PARD3B: variants seen among roughly 807,000 people sequenced by gnomAD.
PARD3B encodes par-3 family cell polarity regulator beta, also known as partitioning defective 3 homolog B.
In PARD3B, 103 loss-of-function variants were observed where a neutral mutation model predicts 130.2. The observed-to-expected ratio is 0.79, with a 90% CI of 0.67 to 0.93. PARD3B has a LOEUF of 0.93. Ranked by LOEUF, PARD3B falls within the 40% of genes least tolerant of loss-of-function variation. The probability of loss-of-function intolerance (pLI) is 0.00; values close to 1 mark genes in which losing one functional copy is unlikely to be tolerated. For missense variants in PARD3B, 1,609 were observed against 1,499.2 expected, an observed-to-expected ratio of 1.07 and a Z score of -1.21; for synonymous variants, 583 against 553.2, an observed-to-expected ratio of 1.05 and a Z score of -0.76.
chr2:204,702,701 A>G (rs932513678), intron 2 of PARD3B, among the ~76,000 whole-genome samples: 21 of 151,992 alleles, frequency 1.4e-4, no homozygotes, highest in African/African-American at 4.3e-4. Flanking sequence ...CAGCCTCACA[A>G]GTAGCTGGGA....
At chr2:205,364,672 G>A (rs967343403) in intron 18 of PARD3B, among the ~76,000 whole-genome samples, 1 of 152,178 alleles carries the variant, frequency 6.6e-6, no homozygotes, top group Non-Finnish European at 1.5e-5. Flanking sequence ...TAAATGAAGT[G>A]TGTGGATGCC....
intron 15 of PARD3B, among the ~76,000 whole-genome samples, chr2:205,232,323 C>T (rs998075417): frequency 1.3e-5 from 2 of 152,092 alleles, no homozygotes; most frequent in Admixed American, 1.3e-4. Flanking sequence ...CATAGTGGCA[C>T]ACACTGTAGT....
intron 15 of PARD3B, among the ~76,000 whole-genome samples, chr2:205,194,635 T>C (rs1559530010): frequency 6.6e-6 from 1 of 152,208 alleles, no homozygotes; most frequent in Non-Finnish European, 1.5e-5. Flanking sequence ...TTTTCCTCAT[T>C]TAATTAAAGC....
chr2:205,511,645 G>A (rs1380058397), intron 21 of PARD3B, among the ~76,000 whole-genome samples: 4 of 152,194 alleles, frequency 2.6e-5, no homozygotes, highest in African/African-American at 9.7e-5. Flanking sequence ...TTTAAAATCA[G>A]TTGGGTACAT....
At chr2:205,428,000 T>C (rs2047201650) in intron 19 of PARD3B, among the ~76,000 whole-genome samples, 1 of 152,156 alleles carries the variant, frequency 6.6e-6, no homozygotes, top group Admixed American at 6.5e-5. Context: ...CAAATTCATA[T>C]GTTGAAACCT....
intron 4 of PARD3B, among the ~76,000 whole-genome samples, chr2:205,060,325 C>T (rs1385754015): frequency 6.6e-6 from 1 of 152,086 alleles, no homozygotes; most frequent in Non-Finnish European, 1.5e-5. Flanking sequence ...AGACTGTTTA[C>T]ACAATTTAGA....
At chr2:205,214,675 T>C (rs544758173) in intron 15 of PARD3B, among the ~76,000 whole-genome samples, 1 of 152,194 alleles carries the variant, frequency 6.6e-6, no homozygotes, top group East Asian at 1.9e-4. Context: ...GCAAGTACAA[T>C]CTATTTACTG....
chr2:205,243,858 C>A (rs2039459577), intron 15 of PARD3B, among the ~76,000 whole-genome samples: 1 of 152,204 alleles, frequency 6.6e-6, no homozygotes, highest in South Asian at 2.1e-4. Context: ...TGAATAGATA[C>A]AAAGTGCATA....
intron 16 of PARD3B, among the ~76,000 whole-genome samples, chr2:205,254,824 C>T (rs2040006508): frequency 6.6e-6 from 1 of 151,318 alleles, no homozygotes; most frequent in Admixed American, 6.6e-5. Context: ...GCCACCTCGC[C>T]CGGCTAATTT....
At chr2:205,134,901 G>A (rs1314746379) in intron 10 of PARD3B, among the ~76,000 whole-genome samples, 1 of 151,248 alleles carries the variant, frequency 6.6e-6, no homozygotes, top group African/African-American at 2.4e-5. Context: ...GGGTTTTGTT[G>A]GAGATTGGAA....
chr2:205,462,574 A>G (rs980860733), intron 20 of PARD3B, among the ~76,000 whole-genome samples: 4 of 152,208 alleles, frequency 2.6e-5, no homozygotes, highest in Non-Finnish European at 1.5e-5. Flanking sequence ...TCCCATTTTC[A>G]TGCCCACAAT....
In PARD3B at chr2:205,206,360, TC is replaced by T. The variant is rs1574387128; in HGVS notation, c.2140+13046del. ...TAGGTATATCTCCCGATGCTATCCC[TC>T]CCCCCTCCCCCAACCCCACAACAGT... On this transcript the variant is annotated intron_variant, in intron 15 of 22. Coordinates refer to ENST00000406610, the MANE Select transcript of PARD3B (RefSeq NM_001302769.2). 2.6e-5 allele frequency among the ~76,000 whole-genome samples: 3 copies of T among 117,618 alleles called. No homozygotes were observed. In the East Asian group the frequency reaches 9.0e-4, roughly 35 times the overall value. 77.2% of individuals were successfully genotyped at this position (117,618 alleles called of 152,430 possible). A position where few individuals can be genotyped will look rare whatever the true frequency, so the allele number is the denominator to read the frequency against.
At chr2:205,152,186 T>G (rs1158644041) in intron 10 of PARD3B, among the ~76,000 whole-genome samples, 1 of 152,204 alleles carries the variant, frequency 6.6e-6, no homozygotes, top group Non-Finnish European at 1.5e-5. Context: ...CTGGCTGCCC[T>G]TAACATTTTT....
At chr2:205,113,623 T>TGATTTGA (rs5837953) in intron 6 of PARD3B, 46 bp downstream of exon 6, 422,041 of 1,368,902 alleles carry the variant, frequency 0.31, 72,296 homozygotes, top group Admixed American at 0.49. Flanking sequence ...ATGAAAACCC[T>TGATTTGA]GATTTGAGCT....
At chr2:205,252,006 G>C (rs2039871024) in intron 16 of PARD3B, among the ~76,000 whole-genome samples, 1 of 152,118 alleles carries the variant, frequency 6.6e-6, no homozygotes, top group Non-Finnish European at 1.5e-5. Context: ...AATATGTCTA[G>C]CGTTCTTCCT....
At chr2:204,859,332 T>C (rs1471301504) in intron 2 of PARD3B, among the ~76,000 whole-genome samples, 2 of 152,060 alleles carry the variant, frequency 1.3e-5, no homozygotes, top group African/African-American at 4.8e-5. Context: ...AGTATAAAAG[T>C]AGATTATGTT....
At position 204,791,734 on chromosome 2, in the gene PARD3B, C is replaced by T. The variant is rs1178774043; in HGVS notation, c.222+105452C>T. On this transcript the variant is annotated intron_variant, in intron 2 of 22. Coordinates refer to ENST00000406610, the MANE Select transcript of PARD3B (RefSeq NM_001302769.2). ...TTAAAATAAGGATTGTGCCCATAAT[C>T]AGATTTTGCAAGGGCCAGAGCCATT... 3.5e-4 allele frequency among the ~76,000 whole-genome samples: 54 copies of T among 152,138 alleles called. 1 individual carries two copies. Among genetic ancestry groups the T allele is most frequent in the Admixed American group, 3.4e-3 (52 of 15,282 alleles).
At chr2:205,140,475 G>A (rs2032858425) in intron 10 of PARD3B, among the ~76,000 whole-genome samples, 1 of 142,834 alleles carries the variant, frequency 7.0e-6, no homozygotes, top group Non-Finnish European at 1.5e-5. Flanking sequence ...AAAAAAAAAG[G>A]AAGACCGTTC....
intron 4 of PARD3B, among the ~76,000 whole-genome samples, chr2:205,059,867 T>C (rs1699962780): frequency 6.6e-6 from 1 of 152,054 alleles, no homozygotes; most frequent in South Asian, 2.1e-4. Flanking sequence ...GAGGGCTACT[T>C]TTCTCTTTCA....
Sources: gnomAD v4.1 joint callset for allele counts (sites outside exome capture counted in the v4.1 genomes callset) on GRCh38, gnomAD v4.1.1 for gene constraint, MANE v1.5 for transcripts, NCBI Gene and HGNC (gene_info 2026-07-23, HGNC 2026-07-21) for gene names.